Variants in CCDC171 observed in about 807,000 individuals in gnomAD.
CCDC171 encodes coiled-coil domain containing 171.
A neutral mutation model predicts 168.2 loss-of-function variants in CCDC171; 177 were observed. The observed-to-expected ratio is 1.05, with a 90% CI of 0.93 to 1.19. CCDC171 has a LOEUF of 1.19. Ranked by LOEUF, CCDC171 falls within the 50% of genes most tolerant of loss-of-function variation. The probability of loss-of-function intolerance (pLI) is 0.00; values close to 1 mark genes in which losing one functional copy is unlikely to be tolerated. For synonymous variants in CCDC171, 687 were observed against 540.8 expected (o/e 1.27, Z -3.75); for missense variants, 1,991 against 1,539.0 (o/e 1.29, Z -4.91).
chr9:15,945,896 T>C (rs1404401465), intron 25 of CCDC171, among the ~76,000 whole-genome samples: 1 of 150,368 alleles, frequency 6.7e-6, no homozygotes, highest in Non-Finnish European at 1.5e-5. Context: ...TAGATCCCAT[T>C]TGTCAATTTT....
intron 22 of CCDC171, among the ~76,000 whole-genome samples, chr9:15,847,606 A>G (rs2060955060): frequency 6.6e-6 from 1 of 152,122 alleles, no homozygotes; most frequent in South Asian, 2.1e-4. Flanking sequence ...TTCAAGGAGT[A>G]AAGAAACATC....
intron 3 of CCDC171, among the ~76,000 whole-genome samples, chr9:15,574,159 G>C (rs1390679167): frequency 1.7e-5 from 2 of 120,748 alleles, no homozygotes; most frequent in East Asian, 4.6e-4. Context: ...TTTTTTTTTT[G>C]AGACAGAGTC....
chr9:16,028,424 A>G (rs1203031090), intron 6 of CCDC171, among the ~76,000 whole-genome samples: 2 of 152,162 alleles, frequency 1.3e-5, no homozygotes, highest in African/African-American at 4.8e-5. Flanking sequence ...AAGAGAAAGG[A>G]TTTTTCACAG....
At chr9:15,694,943 A>T (rs1404191220) in intron 10 of CCDC171, among the ~76,000 whole-genome samples, 1 of 152,222 alleles carries the variant, frequency 6.6e-6, no homozygotes, top group Non-Finnish European at 1.5e-5. Context: ...TAAAATTGGG[A>T]TAATAATAGC....
At chr9:16,059,281 A>G (rs1833891710) in intron 1 of CCDC171, among the ~76,000 whole-genome samples, 2 of 152,196 alleles carry the variant, frequency 1.3e-5, no homozygotes, top group Non-Finnish European at 2.9e-5. Context: ...TAAGATTGAC[A>G]TGACTTGTCC....
chr9:15,907,042 G>C (rs541605143), intron 24 of CCDC171, among the ~76,000 whole-genome samples: 1,699 of 152,224 alleles, frequency 0.011, 35 homozygotes, highest in African/African-American at 0.039. Flanking sequence ...CCATGCTCAT[G>C]GGTAGGAAGA....
chr9:15,589,041 C>T (rs1356127653), intron 4 of CCDC171, among the ~76,000 whole-genome samples: 2 of 151,922 alleles, frequency 1.3e-5, no homozygotes, highest in Non-Finnish European at 2.9e-5. Flanking sequence ...GTTGTTGCCC[C>T]ACAGAAAACG....
At chr9:15,629,789 T>A (rs917353080) in intron 7 of CCDC171, among the ~76,000 whole-genome samples, 1 of 152,154 alleles carries the variant, frequency 6.6e-6, no homozygotes. Flanking sequence ...AAGGTTGGGT[T>A]ACCCACAAAG....
chr9:15,994,378 T>C (rs536157141), intron 3 of CCDC171, among the ~76,000 whole-genome samples: 11 of 152,056 alleles, frequency 7.2e-5, no homozygotes, highest in Non-Finnish European at 1.6e-4. Context: ...TAGGTGGGAA[T>C]TGAACAATGA....
intron 3 of CCDC171, among the ~76,000 whole-genome samples, chr9:16,009,101 G>C (rs3008728): frequency 0.57 from 86,160 of 151,916 alleles, 24,651 homozygotes; most frequent in East Asian, 0.66. Context: ...TTACAGCAAG[G>C]ATGCTTTCTC....
intron 21 of CCDC171, among the ~76,000 whole-genome samples, chr9:15,804,376 T>C (rs2058976383): frequency 6.6e-6 from 1 of 152,050 alleles, no homozygotes; most frequent in Non-Finnish European, 1.5e-5. Context: ...TTTTATCATA[T>C]ATGGTTCTCA....
At chr9:15,878,085 T>G (rs1162449138) in intron 24 of CCDC171, among the ~76,000 whole-genome samples, 2 of 152,054 alleles carry the variant, frequency 1.3e-5, no homozygotes, top group Non-Finnish European at 2.9e-5. Context: ...GATTTCATGA[T>G]GAAGGTGCCA....
At chr9:15,648,902 A>C (rs2047270401) in intron 7 of CCDC171, among the ~76,000 whole-genome samples, 1 of 152,202 alleles carries the variant, frequency 6.6e-6, no homozygotes, top group Admixed American at 6.5e-5. Context: ...AACTACTTTG[A>C]AGTTCATATG....
intron 3 of CCDC171, among the ~76,000 whole-genome samples, chr9:16,004,211 C>A (rs1008730521): frequency 6.6e-6 from 1 of 152,138 alleles, no homozygotes; most frequent in African/African-American, 2.4e-5. Flanking sequence ...TTTGGGGTAA[C>A]ACAAGCCAAT....
chr9:15,578,846 T>C lies in CCDC171; in HGVS notation c.178-3T>C, dbSNP rs1453121273. On this transcript the variant is annotated splice_region_variant and splice_polypyrimidine_tract_variant and intron_variant, in intron 3 of 25. Coordinates refer to ENST00000380701, the MANE Select transcript of CCDC171 (RefSeq NM_173550.4). ...CATGTTGATATCAGGAATCTGTTTT[T>C]AGCTGGCAAGCTATGAGAGCCAGAT... 2 of 1,611,390 alleles carry C rather than the reference T, an allele frequency of 1.2e-6. No homozygotes were observed. The highest frequency in any genetic ancestry group is 1.7e-6 in the Non-Finnish European group (2 of 1,178,712).
At chr9:15,728,855 A>G (rs2053981301) in intron 15 of CCDC171, among the ~76,000 whole-genome samples, 2 of 152,176 alleles carry the variant, frequency 1.3e-5, no homozygotes, top group Non-Finnish European at 2.9e-5. Flanking sequence ...TAAGTTAAAA[A>G]AAAAAATTCT....
chr9:16,108,199 A>G, the CCDC171 span, among the ~76,000 whole-genome samples: 1 of 152,218 alleles, frequency 6.6e-6, no homozygotes, highest in Non-Finnish European at 1.5e-5. Flanking sequence ...ATAGGCCGAG[A>G]ATGATACTCC....
At chr9:15,814,686 A>G (rs2059494227) in intron 21 of CCDC171, among the ~76,000 whole-genome samples, 1 of 152,126 alleles carries the variant, frequency 6.6e-6, no homozygotes, top group South Asian at 2.1e-4. Flanking sequence ...TTTATTATAT[A>G]TAGAAAATTT....
chr9:16,011,085 G>A (rs62546638), intron 3 of CCDC171, among the ~76,000 whole-genome samples: 4,050 of 152,302 alleles, frequency 0.027, 71 homozygotes, highest in South Asian at 0.039. Flanking sequence ...CTTACTAGAA[G>A]CCTCTTTAAT....
Sources: gnomAD v4.1 joint callset for allele counts (sites outside exome capture counted in the v4.1 genomes callset) on GRCh38, gnomAD v4.1.1 for gene constraint, MANE v1.5 for transcripts, NCBI Gene and HGNC (gene_info 2026-07-23, HGNC 2026-07-21) for gene names.